COX10: variants seen among roughly 807,000 people sequenced by gnomAD.
The protein encoded by COX10 is protoheme IX farnesyltransferase, mitochondrial.
In COX10, 27 loss-of-function variants were observed where a neutral mutation model predicts 37.3. The observed-to-expected ratio is 0.72, with a 90% CI of 0.53 to 1.00. The LOEUF is 1.00. Ranked by LOEUF, COX10 falls within the 50% of genes least tolerant of loss-of-function variation. The pLI is 0.00. For missense variants in COX10, 475 were observed against 563.2 expected, an observed-to-expected ratio of 0.84 and a Z score of 1.59; for synonymous variants, 222 against 229.1, an observed-to-expected ratio of 0.97 and a Z score of 0.28.
At chr17:14,172,867 T>A (rs28427500) in intron 5 of COX10, among the ~76,000 whole-genome samples, 3 of 152,072 alleles carry the variant, frequency 2.0e-5, no homozygotes, top group African/African-American at 7.2e-5. Context: ...TTGTTTTTAA[T>A]TTTTTTGTAG....
chr17:14,105,906 A>T (rs969350151), intron 4 of COX10, among the ~76,000 whole-genome samples: 1 of 152,142 alleles, frequency 6.6e-6, no homozygotes, highest in East Asian at 1.9e-4. Flanking sequence ...TTTAACATGG[A>T]TATCTTCACA....
At chr17:14,071,711 C>A (rs987000719) in intron 1 of COX10, among the ~76,000 whole-genome samples, 8 of 136,492 alleles carry the variant, frequency 5.9e-5, no homozygotes, top group East Asian at 2.1e-4. Flanking sequence ...TGGTGAAATG[C>A]CTTCTCTACT....
At chr17:14,152,415 G>A (rs1319790708) in intron 4 of COX10, among the ~76,000 whole-genome samples, 1 of 152,112 alleles carries the variant, frequency 6.6e-6, no homozygotes, top group Non-Finnish European at 1.5e-5. Flanking sequence ...GAACAGTATG[G>A]GGGAAACCGC....
At chr17:14,121,729 A>T (rs770133174) in intron 4 of COX10, among the ~76,000 whole-genome samples, 12 of 151,956 alleles carry the variant, frequency 7.9e-5, no homozygotes, top group Admixed American at 3.9e-4. Context: ...AATTTAGAAC[A>T]TAAATAAAGT....
intron 4 of COX10, among the ~76,000 whole-genome samples, chr17:14,143,981 T>C (rs140025585): frequency 9.6e-4 from 146 of 152,266 alleles, no homozygotes; most frequent in African/African-American, 3.2e-3. Context: ...AATTGTTGTG[T>C]CCTTCCAAGA....
At chr17:14,105,463 TA>T (rs1915869519) in intron 4 of COX10, among the ~76,000 whole-genome samples, 1 of 152,202 alleles carries the variant, frequency 6.6e-6, no homozygotes, top group Non-Finnish European at 1.5e-5. Context: ...ACAAAATAAT[TA>T]ATTTTCTACA....
At chr17:14,146,214 A>T (rs970673932) in intron 4 of COX10, among the ~76,000 whole-genome samples, 1 of 152,114 alleles carries the variant, frequency 6.6e-6, no homozygotes, top group African/African-American at 2.4e-5. Context: ...TGACCAAATT[A>T]TAGTAACCAA....
intron 3 of COX10, among the ~76,000 whole-genome samples, chr17:14,083,871 T>G (rs1030628592): frequency 6.6e-6 from 1 of 152,200 alleles, no homozygotes; most frequent in African/African-American, 2.4e-5. Context: ...TCAACTGAGT[T>G]TATACTTAAT....
At chr17:14,168,406 G>T (rs1043958193) in intron 5 of COX10, among the ~76,000 whole-genome samples, 2 of 152,280 alleles carry the variant, frequency 1.3e-5, no homozygotes, top group South Asian at 2.1e-4. Context: ...CCATTCTGAG[G>T]TGTGGAGGAT....
At chr17:14,181,823 T>G (rs1350477931) in intron 5 of COX10, among the ~76,000 whole-genome samples, 1 of 152,056 alleles carries the variant, frequency 6.6e-6, no homozygotes, top group Non-Finnish European at 1.5e-5. Flanking sequence ...AACTCTGATT[T>G]TCATAGCTGG....
intron 6 of COX10, among the ~76,000 whole-genome samples, 191 bp downstream of exon 6, chr17:14,192,412 G>A (rs1274019117): frequency 6.6e-6 from 1 of 152,176 alleles, no homozygotes; most frequent in Admixed American, 6.5e-5. Flanking sequence ...GCTGGTGGGT[G>A]CACATGACAT....
chr17:14,117,616 A>G (rs564941641), intron 4 of COX10, among the ~76,000 whole-genome samples: 33 of 152,320 alleles, frequency 2.2e-4, no homozygotes, highest in African/African-American at 6.7e-4. Flanking sequence ...CGGAGGGGGA[A>G]CATGCAGACA....
intron 4 of COX10, among the ~76,000 whole-genome samples, chr17:14,105,071 T>C (rs1054132095): frequency 3.9e-5 from 6 of 152,128 alleles, no homozygotes; most frequent in Non-Finnish European, 8.8e-5. Flanking sequence ...TTAACAAATT[T>C]AAAAAGATAA....
intron 3 of COX10, among the ~76,000 whole-genome samples, chr17:14,093,767 T>A (rs1349144161): frequency 2.0e-5 from 3 of 152,212 alleles, no homozygotes; most frequent in African/African-American, 7.2e-5. Context: ...AGAGATACAG[T>A]GTTAAAGCCT....
intron 3 of COX10, among the ~76,000 whole-genome samples, chr17:14,097,983 G>T (rs1009241020): frequency 1.3e-5 from 2 of 152,036 alleles, no homozygotes; most frequent in African/African-American, 2.4e-5. Flanking sequence ...AAAAAAGTCT[G>T]TACATACTCA....
intron 4 of COX10, among the ~76,000 whole-genome samples, chr17:14,143,850 T>C (rs937204171): frequency 3.9e-5 from 6 of 152,140 alleles, no homozygotes; most frequent in Non-Finnish European, 8.8e-5. Context: ...CCTTTCTCTC[T>C]GTTGTATAGA....
chr17:14,190,284 G>C (rs1906160836), intron 5 of COX10, among the ~76,000 whole-genome samples: 1 of 152,188 alleles, frequency 6.6e-6, no homozygotes, highest in Admixed American at 6.5e-5. Context: ...TTCCCAGCAG[G>C]AGCAGAGACA....
At chr17:14,082,642 G>C (rs78949044) in intron 3 of COX10, among the ~76,000 whole-genome samples, 64 of 151,916 alleles carry the variant, frequency 4.2e-4, no homozygotes, top group African/African-American at 1.4e-3. Flanking sequence ...CCAGATGCAG[G>C]GTTTGATATC....
At position 14,208,232 on chromosome 17, in the gene COX10, A is replaced by G. The variant is rs1317232600; in HGVS notation, c.*1019A>G. 2 of 152,276 alleles carry G rather than the reference A, an allele frequency of 1.3e-5. No homozygotes were observed. The highest frequency in any genetic ancestry group is 2.4e-5 in the African/African-American group (1 of 41,476). The allele number at this position is 152,276 out of a possible 1,614,324, so 9.4% of individuals were successfully genotyped here. A position where few individuals can be genotyped will look rare whatever the true frequency, so the allele number is the denominator to read the frequency against. ...TGCAATGGCTTTAAGAGCCAGAAGC[A>G]GGGTTCTGGGAATTTTGCAAGTTAT... On this transcript the variant is annotated 3_prime_UTR_variant, in exon 7 of 7. Transcript: ENST00000261643.
Sources: allele counts gnomAD v4.1 joint callset (sites outside exome capture counted in the v4.1 genomes callset), GRCh38; gene constraint gnomAD v4.1.1; transcripts MANE v1.5; gene names NCBI Gene and HGNC (gene_info 2026-07-23, HGNC 2026-07-21).